Variants in MARCO observed in about 807,000 individuals in gnomAD.
MARCO encodes macrophage receptor MARCO.
A neutral mutation model predicts 70.0 loss-of-function variants in MARCO; 72 were observed. The ratio of observed to expected loss-of-function variants is 1.03; its 90% CI spans 0.85 to 1.25. MARCO has a LOEUF of 1.25. Among genes scored for constraint, MARCO ranks in the 50% most tolerant of loss-of-function variants. The pLI, the probability that MARCO is intolerant of heterozygous loss-of-function variation, is 0.00. For missense variants in MARCO, 696 were observed against 659.3 expected (o/e 1.06, Z -0.61); for synonymous variants, 273 against 243.1 (o/e 1.12, Z -1.14).
At chr2:118,985,350 C>T (rs1225918093) in intron 12 of MARCO, among the ~76,000 whole-genome samples, 1 of 152,146 alleles carries the variant, frequency 6.6e-6, no homozygotes, top group Non-Finnish European at 1.5e-5. Flanking sequence ...ATGGGTAAAT[C>T]CTGGCTTGGT....
intron 12 of MARCO, among the ~76,000 whole-genome samples, chr2:118,983,080 G>A (rs965337692): frequency 2.6e-5 from 4 of 152,242 alleles, no homozygotes; most frequent in African/African-American, 9.6e-5. Flanking sequence ...GGGTATTGCA[G>A]TGAACAGAGA....
At chr2:118,959,602 A>T (rs1679904303) in intron 1 of MARCO, among the ~76,000 whole-genome samples, 1 of 152,230 alleles carries the variant, frequency 6.6e-6, no homozygotes, top group South Asian at 2.1e-4. Flanking sequence ...GTAAAAGTAG[A>T]AATACCATTT....
chr2:118,954,556 C>G (rs1468813060), intron 1 of MARCO, among the ~76,000 whole-genome samples: 1 of 152,180 alleles, frequency 6.6e-6, no homozygotes, highest in Non-Finnish European at 1.5e-5. Context: ...CAGTCCCCCT[C>G]CACACTACTA....
At chr2:118,979,698 T>G (rs1680353562) in intron 8 of MARCO, among the ~76,000 whole-genome samples, 1 of 152,158 alleles carries the variant, frequency 6.6e-6, no homozygotes, top group Admixed American at 6.5e-5. Flanking sequence ...GTTTGAGTTC[T>G]TCAAAAATCA....
intron 1 of MARCO, among the ~76,000 whole-genome samples, chr2:118,957,222 A>T (rs1679853394): frequency 6.6e-6 from 1 of 152,048 alleles, no homozygotes; most frequent in Non-Finnish European, 1.5e-5. Flanking sequence ...ATATAAACAA[A>T]ATTGATAGAC....
intron 6 of MARCO, among the ~76,000 whole-genome samples, chr2:118,975,446 G>A (rs1273580668): frequency 1.3e-5 from 2 of 152,210 alleles, no homozygotes; most frequent in Non-Finnish European, 2.9e-5. Flanking sequence ...TACAAGAAAG[G>A]AAACTTGTTA....
At chr2:118,959,475 C>CA (rs1158076383) in intron 1 of MARCO, among the ~76,000 whole-genome samples, 14 of 151,852 alleles carry the variant, frequency 9.2e-5, no homozygotes, top group Admixed American at 4.6e-4. Flanking sequence ...TAAAAAAAAT[C>CA]AAAAAAACCA....
intron 1 of MARCO, among the ~76,000 whole-genome samples, chr2:118,961,114 C>T (rs1056039816): frequency 2.6e-5 from 4 of 152,186 alleles, no homozygotes; most frequent in South Asian, 2.1e-4. Context: ...GTAAATGTAC[C>T]ACATTTTCTT....
chr2:118,980,193 C>A (rs144032509), intron 8 of MARCO, among the ~76,000 whole-genome samples: 192 of 152,348 alleles, frequency 1.3e-3, no homozygotes, highest in Non-Finnish European at 2.2e-3. Flanking sequence ...GTTCTCAGTG[C>A]CTTCTAACAG....
intron 13 of MARCO, 60 bp from the exon 14 acceptor site, chr2:118,991,717 T>C (rs1680624615): frequency 1.0e-6 from 1 of 960,724 alleles, no homozygotes; most frequent in Non-Finnish European, 1.6e-6. Flanking sequence ...GTAATGCCCT[T>C]GGGTCTCTCT....
chr2:118,968,744 AG>A (rs760030461), intron 1 of MARCO, among the ~76,000 whole-genome samples: 6 of 152,318 alleles, frequency 3.9e-5, no homozygotes, highest in Non-Finnish European at 8.8e-5. Context: ...AATTTCTCCA[AG>A]TCTCACTACT....
At position 118,970,193 on chromosome 2, in the gene MARCO, C is replaced by A; in HGVS notation, c.279C>A (p.Ser93=). 1 of 1,614,200 alleles carries A rather than the reference C, an allele frequency of 6.2e-7. No individual in the cohort carries two copies. The highest frequency in any genetic ancestry group is 1.1e-5 in the South Asian group (1 of 91,088). The stretch of plus-strand genomic sequence containing the variant: ...CTCTGGCGGCTGAGGACAGCCCGTC[C>A]TTCTCCTTGCTGCAGTCAGCACACC... ...NDTLAAEDSP[S]FSLLQSAHPG... Residue 93 remains serine, a synonymous_variant, in exon 3 of 17, where the codon TCC becomes TCA. Transcript: ENST00000327097.
intron 1 of MARCO, among the ~76,000 whole-genome samples, chr2:118,953,759 G>C (rs1282145824): frequency 1.3e-5 from 2 of 152,182 alleles, no homozygotes; most frequent in Non-Finnish European, 2.9e-5. Flanking sequence ...CGTGTAAGTG[G>C]AAAAGGGAGA....
chr2:118,990,934 C>T (rs757340896), intron 13 of MARCO, among the ~76,000 whole-genome samples: 1 of 152,176 alleles, frequency 6.6e-6, no homozygotes, highest in Non-Finnish European at 1.5e-5. Context: ...AGGCTCCAGG[C>T]TCTACAGCCG....
intron 7 of MARCO, 109 bp downstream of exon 7, chr2:118,977,624 A>G: frequency 1.3e-6 from 1 of 746,564 alleles, no homozygotes; most frequent in Admixed American, 2.6e-5. Flanking sequence ...AGCCCCTGAC[A>G]GTTACTGCCC....
chr2:118,969,456 C>G (rs1680119548), intron 2 of MARCO, among the ~76,000 whole-genome samples, 195 bp downstream of exon 2: 1 of 152,114 alleles, frequency 6.6e-6, no homozygotes, highest in South Asian at 2.1e-4. Flanking sequence ...GTATGTGTGC[C>G]TGAGGGAGGG....
At chr2:118,992,543 T>A in intron 15 of MARCO, 67 bp downstream of exon 15, 1 of 1,361,934 alleles carries the variant, frequency 7.3e-7, no homozygotes, top group Non-Finnish European at 1.0e-6. Context: ...AAATTGTGTG[T>A]GTTGGGGGAA....
intron 1 of MARCO, among the ~76,000 whole-genome samples, chr2:118,950,906 A>C (rs1338921348): frequency 6.6e-6 from 1 of 152,350 alleles, no homozygotes; most frequent in Admixed American, 6.5e-5. Flanking sequence ...AGGATAATAC[A>C]TATGACACTG....
At chr2:118,967,462 G>C (rs755712130) in intron 1 of MARCO, among the ~76,000 whole-genome samples, 10 of 152,166 alleles carry the variant, frequency 6.6e-5, no homozygotes, top group Admixed American at 2.0e-4. Context: ...CCCCACTGAA[G>C]GGCTGAGAGC....
Sources: gnomAD v4.1 joint callset for allele counts (sites outside exome capture counted in the v4.1 genomes callset) on GRCh38, gnomAD v4.1.1 for gene constraint, MANE v1.5 for transcripts, NCBI Gene and HGNC (gene_info 2026-07-23, HGNC 2026-07-21) for gene names.